Variants in PHLDB2 observed in about 807,000 individuals in gnomAD.
The protein encoded by PHLDB2 is pleckstrin homology like domain family B member 2, also known as pleckstrin homology-like domain family B member 2.
PHLDB2 carries 71 observed loss-of-function variants against 123.6 expected under a neutral mutation model. The observed-to-expected ratio is 0.57, with a 90% CI of 0.47 to 0.70. The LOEUF (loss-of-function observed/expected upper bound fraction) is 0.70, where lower values mean the gene tolerates loss of function less well. Among genes scored for constraint, PHLDB2 ranks in the 30% least tolerant of loss-of-function variants. The pLI, the probability that PHLDB2 is intolerant of heterozygous loss-of-function variation, is 0.00. For missense variants in PHLDB2, 1,446 were observed against 1,519.5 expected (o/e 0.95, Z 0.80); for synonymous variants, 547 against 541.6 (o/e 1.01, Z -0.14).
chr3:111,957,514 A>C (rs1158935876), intron 12 of PHLDB2: 1 of 152,256 alleles, frequency 6.6e-6, no homozygotes, highest in South Asian at 2.1e-4. Flanking sequence ...TGCAGGAAAC[A>C]TGAGTGCTGT....
At chr3:111,758,217 T>C (rs373346967) in intron 1 of PHLDB2, among the ~76,000 whole-genome samples, 7 of 152,108 alleles carry the variant, frequency 4.6e-5, no homozygotes, top group Non-Finnish European at 7.4e-5. Flanking sequence ...GTGGAGCCTA[T>C]AGAGGCAGGC....
chr3:111,890,801 C>A (rs2066436364), intron 2 of PHLDB2, among the ~76,000 whole-genome samples: 1 of 152,146 alleles, frequency 6.6e-6, no homozygotes, highest in Non-Finnish European at 1.5e-5. Flanking sequence ...AAATAACCTC[C>A]AGCTGCTGTG....
rs1040379501 is a variant in PHLDB2 at position 111,927,262 on chromosome 3, C to T, written c.2002-5007C>T. Among the ~76,000 whole-genome samples, 18 of 151,926 alleles carry T rather than the reference C, an allele frequency of 1.2e-4. 1 individual carries two copies. Among genetic ancestry groups the T allele is most frequent in the African/African-American group, 4.4e-4 (18 of 41,328 alleles). On this transcript the variant is annotated intron_variant, in intron 5 of 17. Coordinates refer to ENST00000431670, the MANE Select transcript of PHLDB2 (RefSeq NM_001134438.2). Reference sequence around the variant, plus strand: ...AAATGACTGGCCAGGCGTGGAGACTCACACCTGTAATCCCAGCACTTTGAG... The same window carrying T: ...AAATGACTGGCCAGGCGTGGAGACTTACACCTGTAATCCCAGCACTTTGAG...
At chr3:111,924,624 TC>T (rs1006119040) in intron 5 of PHLDB2, among the ~76,000 whole-genome samples, 1 of 152,260 alleles carries the variant, frequency 6.6e-6, no homozygotes, top group Non-Finnish European at 1.5e-5. Context: ...GGATCGTGTT[TC>T]CTTTTCCATA....
chr3:111,966,474 A>AT lies in PHLDB2; in HGVS notation c.3078-135dup, dbSNP rs2071763003. ...CATTCTTTAAATTATATATGCTTGG[A>AT]TTTTGTTATGCACCTCCCTTGACCC... On this transcript the variant is annotated intron_variant, in intron 13 of 17. Coordinates refer to ENST00000431670, the MANE Select transcript of PHLDB2 (RefSeq NM_001134438.2). The AT allele has an allele frequency of 1.5e-5, 7 of 482,584 alleles. No individual in the cohort carries two copies. The South Asian group carries it at 3.2e-4, about 22-fold the overall frequency. 29.9% of individuals were successfully genotyped at this position (482,584 alleles called of 1,614,324 possible). A position where few individuals can be genotyped will look rare whatever the true frequency, so the allele number is the denominator to read the frequency against.
intron 1 of PHLDB2, among the ~76,000 whole-genome samples, chr3:111,877,213 A>G (rs1198461898): frequency 1.3e-5 from 2 of 152,218 alleles, no homozygotes; most frequent in African/African-American, 4.8e-5. Flanking sequence ...CTATTTCTCC[A>G]CATCCTCTCC....
At chr3:111,752,242 C>G (rs55889621) in intron 1 of PHLDB2, among the ~76,000 whole-genome samples, 23,205 of 99,912 alleles carry the variant, frequency 0.23, 2,316 homozygotes, top group African/African-American at 0.39. Flanking sequence ...GTGTGTGTGT[C>G]TGTGTCTGTG....
At chr3:111,966,753 G>C in intron 14 of PHLDB2, 50 bp downstream of exon 14, 1 of 1,466,426 alleles carries the variant, frequency 6.8e-7, no homozygotes, top group Non-Finnish European at 9.5e-7. Context: ...TGGTGCAGGA[G>C]CCCTGCGCTT....
chr3:111,894,877 C>T (rs535635228), intron 2 of PHLDB2, among the ~76,000 whole-genome samples: 19 of 151,858 alleles, frequency 1.3e-4, no homozygotes, highest in African/African-American at 4.6e-4. Context: ...ATCAGATCAC[C>T]TTGGGTCATT....
intron 1 of PHLDB2, among the ~76,000 whole-genome samples, chr3:111,766,195 C>G (rs139681602): frequency 4.5e-4 from 68 of 152,238 alleles, no homozygotes; most frequent in African/African-American, 1.6e-3. Flanking sequence ...GATCCCAGCA[C>G]TTTGGGAGGC....
At chr3:111,747,446 C>A (rs1269568634) in intron 1 of PHLDB2, among the ~76,000 whole-genome samples, 3 of 151,966 alleles carry the variant, frequency 2.0e-5, no homozygotes, top group Admixed American at 6.6e-5. Flanking sequence ...AAAGAAGGGA[C>A]TTTCATGTAA....
intron 2 of PHLDB2, among the ~76,000 whole-genome samples, chr3:111,897,603 G>A (rs1355226328): frequency 6.6e-6 from 1 of 152,214 alleles, no homozygotes; most frequent in African/African-American, 2.4e-5. Flanking sequence ...CTCTGGGGTT[G>A]TAATTTGGAT....
At chr3:111,894,732 A>G (rs1344764917) in intron 2 of PHLDB2, among the ~76,000 whole-genome samples, 1 of 151,658 alleles carries the variant, frequency 6.6e-6, no homozygotes, top group Non-Finnish European at 1.5e-5. Flanking sequence ...GTCTGTTCAT[A>G]TCCTTTGCCC....
intron 1 of PHLDB2, among the ~76,000 whole-genome samples, chr3:111,780,309 G>A (rs13087116): frequency 0.73 from 4,915 of 6,766 alleles, 2,019 homozygotes; most frequent in East Asian, 0.88. Flanking sequence ...AAGAGGAAGA[G>A]GAAGAGGAAG....
intron 1 of PHLDB2, among the ~76,000 whole-genome samples, chr3:111,753,888 A>C (rs2059831766): frequency 6.6e-6 from 1 of 152,180 alleles, no homozygotes; most frequent in Admixed American, 6.6e-5. Flanking sequence ...TTTTCCCAGC[A>C]CCATTTATTA....
intron 1 of PHLDB2, among the ~76,000 whole-genome samples, chr3:111,820,225 G>A (rs2062306649): frequency 6.6e-6 from 1 of 152,174 alleles, no homozygotes; most frequent in African/African-American, 2.4e-5. Flanking sequence ...TGTAATGATT[G>A]ACAGAGATGG....
chr3:111,779,759 C>A, intron 1 of PHLDB2: 1 of 707,058 alleles, frequency 1.4e-6, no homozygotes, highest in Non-Finnish European at 1.7e-6. Flanking sequence ...TGCATATGTT[C>A]TTGTGGCAGA....
intron 10 of PHLDB2, 99 bp downstream of exon 10, chr3:111,949,174 A>G: frequency 7.3e-7 from 1 of 1,379,034 alleles, no homozygotes; most frequent in Non-Finnish European, 1.0e-6. Context: ...CGTGCATGAC[A>G]AATGTATATC....
intron 2 of PHLDB2, among the ~76,000 whole-genome samples, chr3:111,912,402 AAATT>A (rs1330841644): frequency 3.3e-5 from 5 of 152,216 alleles, no homozygotes; most frequent in Admixed American, 2.6e-4. Context: ...TTTTCTAGCT[AAATT>A]AATCAAAGAT....
Sources: allele counts gnomAD v4.1 joint callset (sites outside exome capture counted in the v4.1 genomes callset), GRCh38; gene constraint gnomAD v4.1.1; transcripts MANE v1.5; gene names NCBI Gene and HGNC (gene_info 2026-07-23, HGNC 2026-07-21).